The following DLGAP1 variants were observed in gnomAD, a reference collection of about 807,000 sequenced individuals.
The protein encoded by DLGAP1 is DLG associated protein 1, also known as disks large-associated protein 1.
Under a neutral mutation model 90.8 loss-of-function variants are expected in DLGAP1, and 11 were observed. The ratio of observed to expected loss-of-function variants is 0.12; its 90% CI spans 0.08 to 0.20. The LOEUF (loss-of-function observed/expected upper bound fraction) is 0.20. Among genes scored for constraint, DLGAP1 ranks in the 10% least tolerant of loss-of-function variants. DLGAP1 has a pLI of 1.00. For missense variants in DLGAP1, 1,050 were observed against 1,333.8 expected (o/e 0.79, Z 3.31); for synonymous variants, 558 against 540.7 (o/e 1.03, Z -0.44).
chr18:3,796,474 T>C (rs757797583), intron 5 of DLGAP1, among the ~76,000 whole-genome samples: 1 of 152,212 alleles, frequency 6.6e-6, no homozygotes, highest in African/African-American at 2.4e-5. Flanking sequence ...AATGATTTCA[T>C]GAGTACTGTA....
At chr18:3,600,747 GAT>G (rs369926784) in intron 7 of DLGAP1, among the ~76,000 whole-genome samples, 12,262 of 22,090 alleles carry the variant, frequency 0.56, 3,669 homozygotes, top group Middle Eastern at 0.64. Context: ...TAGATATATA[GAT>G]ATATATAGAT....
At chr18:3,975,826 A>C (rs1241088505) in intron 3 of DLGAP1, among the ~76,000 whole-genome samples, 1 of 152,212 alleles carries the variant, frequency 6.6e-6, no homozygotes, top group African/African-American at 2.4e-5. Flanking sequence ...AGTCACAAAA[A>C]CACAAATATT....
chr18:4,431,914 T>C (rs1432457553), intron 1 of DLGAP1, among the ~76,000 whole-genome samples: 1 of 152,232 alleles, frequency 6.6e-6, no homozygotes, highest in Admixed American at 6.5e-5. Flanking sequence ...GCAGTAAAGA[T>C]GTCAGGCACA....
rs2081223257 is a variant in DLGAP1, at chr18:4,342,884, T to C, written c.-267+112122A>G. ...TATTAACAACCCTAGTAAATAGCTT[T>C]GCATAAACAATATCAGATCTGAATA... On this transcript the variant is annotated intron_variant, in intron 1 of 12. Coordinates refer to ENST00000315677, the MANE Select transcript of DLGAP1 (RefSeq NM_004746.4). This position sits in a 1 kb window ranked among gnomAD's most constrained non-coding sequence, Gnocchi z 5.8. 1.3e-5 allele frequency among the ~76,000 whole-genome samples: 2 copies of C among 152,208 alleles called. No homozygotes were observed. Among genetic ancestry groups the C allele is most frequent in the Non-Finnish European group, 2.9e-5 (2 of 68,032 alleles).
At chr18:4,382,485 T>G (rs900616147) in intron 1 of DLGAP1, among the ~76,000 whole-genome samples, 1 of 78,188 alleles carries the variant, frequency 1.3e-5, no homozygotes, top group Non-Finnish European at 2.6e-5. Context: ...AACAGCATTA[T>G]GCTTTTTTTT....
rs116875587 is a variant in DLGAP1 at position 3,945,221 on chromosome 18, T to C, written c.-73+59895A>G. On this transcript the variant is annotated intron_variant, in intron 3 of 12. Coordinates refer to ENST00000315677, the MANE Select transcript of DLGAP1 (RefSeq NM_004746.4). ...AAAGAGTTAACACATATAAAATCCT[T>C]AGGATAGTGCCTGGTATGGGAGTTC... 1.3e-4 allele frequency among the ~76,000 whole-genome samples: 20 copies of C among 152,328 alleles called. No homozygotes were observed. The East Asian group carries it at 2.5e-3, about 19-fold the overall frequency.
intron 9 of DLGAP1, among the ~76,000 whole-genome samples, chr18:3,562,562 T>A (rs996720038): frequency 7.2e-6 from 1 of 138,584 alleles, no homozygotes; most frequent in African/African-American, 2.8e-5. Flanking sequence ...TTTTTTTTTT[T>A]TAGATGGAGT....
intron 7 of DLGAP1, among the ~76,000 whole-genome samples, chr18:3,605,106 A>G (rs1002562712): frequency 6.6e-6 from 1 of 152,208 alleles, no homozygotes; most frequent in African/African-American, 2.4e-5. Flanking sequence ...TCCCCTCAGG[A>G]TAAGAGTTCC....
chr18:4,249,221 C>T (rs2078724053), intron 1 of DLGAP1, among the ~76,000 whole-genome samples: 1 of 152,174 alleles, frequency 6.6e-6, no homozygotes, highest in Non-Finnish European at 1.5e-5. Flanking sequence ...GGACAAATTT[C>T]AGCCTCTTTT....
At chr18:3,621,820 T>C (rs2058104206) in intron 7 of DLGAP1, among the ~76,000 whole-genome samples, 1 of 152,106 alleles carries the variant, frequency 6.6e-6, no homozygotes. Flanking sequence ...TAAAAGAAAT[T>C]AGCTGGGCAT....
chr18:3,852,841 AT>A lies in DLGAP1; in HGVS notation c.957+26270del, dbSNP rs551359792. On this transcript the variant is annotated intron_variant, in intron 4 of 12. Coordinates refer to ENST00000315677, the MANE Select transcript of DLGAP1 (RefSeq NM_004746.4). ...TAACCTTTCTTTTTGTTAATAAATAATTGTCATCTGGCCATGTTATTTTACA... is the reference window on the plus strand; with the variant it reads ...TAACCTTTCTTTTTGTTAATAAATAATGTCATCTGGCCATGTTATTTTACA... Among the ~76,000 whole-genome samples, 680 of 152,120 alleles carry A rather than the reference AT, an allele frequency of 4.5e-3. 3 individuals carry two copies. The highest frequency in any genetic ancestry group is 7.5e-3 in the Non-Finnish European group (511 of 67,970).
intron 2 of DLGAP1, among the ~76,000 whole-genome samples, chr18:4,094,056 C>T (rs2075631848): frequency 1.3e-5 from 2 of 152,008 alleles, no homozygotes; most frequent in East Asian, 3.9e-4. Flanking sequence ...TGTTAGGATT[C>T]TTCCTTAGTA....
chr18:3,879,856 G>A lies in DLGAP1; in HGVS notation c.213C>T (p.Pro71=), dbSNP rs1320646506. 2.5e-6 allele frequency: 4 copies of A among 1,610,204 alleles called. No homozygotes were observed. In the African/African-American group the frequency reaches 5.3e-5, roughly 21 times the overall value. The stretch of plus-strand genomic sequence containing the variant: ...CTTGCTGCGAGGTGTAGTGCCTGCG[G>A]GGGAAGGTGCTGCTGGCCAGCGGGT... ...FSDPLASSTF[P]RRHYTSQQEL... Residue 71 remains proline (P), a synonymous_variant, in exon 4 of 13, where the codon CCC becomes CCT. Coordinates refer to ENST00000315677, the MANE Select transcript of DLGAP1 (RefSeq NM_004746.4). This position sits in a 1 kb window ranked among gnomAD's most constrained non-coding sequence, Gnocchi z 6.6.
intron 3 of DLGAP1, among the ~76,000 whole-genome samples, chr18:3,887,601 A>G (rs756195493): frequency 1.2e-4 from 19 of 152,222 alleles, no homozygotes; most frequent in Non-Finnish European, 2.4e-4. Context: ...TTGCTCACAC[A>G]TGCATGCTCC....
intron 3 of DLGAP1, among the ~76,000 whole-genome samples, chr18:3,900,463 T>C (rs1187425057): frequency 6.6e-6 from 1 of 152,240 alleles, no homozygotes; most frequent in Admixed American, 6.5e-5. Context: ...TGCACATTAT[T>C]CTGTCTTCCC....
intron 3 of DLGAP1, among the ~76,000 whole-genome samples, chr18:3,956,080 C>T (rs1370521383): frequency 1.3e-5 from 2 of 152,114 alleles, no homozygotes; most frequent in African/African-American, 4.8e-5. Flanking sequence ...TCAGTGAACT[C>T]CAAACATGTG....
At chr18:3,741,486 C>T (rs2063042447) in intron 6 of DLGAP1, among the ~76,000 whole-genome samples, 1 of 151,862 alleles carries the variant, frequency 6.6e-6, no homozygotes, top group Non-Finnish European at 1.5e-5. Context: ...CTATCACTAC[C>T]ACTACCACTG....
At chr18:4,298,827 AT>A (rs2080050881) in intron 1 of DLGAP1, among the ~76,000 whole-genome samples, 1 of 152,072 alleles carries the variant, frequency 6.6e-6, no homozygotes, top group South Asian at 2.1e-4. Flanking sequence ...CACGCCTGTA[AT>A]CCCAGCACTT....
intron 5 of DLGAP1, among the ~76,000 whole-genome samples, chr18:3,796,834 A>C (rs1278004864): frequency 6.6e-6 from 1 of 152,236 alleles, no homozygotes; most frequent in African/African-American, 2.4e-5. Flanking sequence ...GCTGAGGTGC[A>C]TCACGACCCT....
Sources: gnomAD v4.1 joint callset for allele counts (sites outside exome capture counted in the v4.1 genomes callset) on GRCh38, gnomAD v4.1.1 for gene constraint, Gnocchi (gnomAD v3.1) non-coding constraint, MANE v1.5 for transcripts, NCBI Gene and HGNC (gene_info 2026-07-23, HGNC 2026-07-21) for gene names.